DGKI: variants seen among roughly 807,000 people sequenced by gnomAD.
DGKI encodes diacylglycerol kinase iota.
A neutral mutation model predicts 147.5 loss-of-function variants in DGKI; 55 were observed. The observed-to-expected ratio is 0.37, with a 90% CI of 0.30 to 0.47. The LOEUF is 0.47. Among genes scored for constraint, DGKI ranks in the 20% least tolerant of loss-of-function variants. The pLI, the probability that DGKI is intolerant of heterozygous loss-of-function variation, is 1.00. For synonymous variants in DGKI, 469 were observed against 477.1 expected (o/e 0.98, Z 0.22); for missense variants, 1,007 against 1,323.8 (o/e 0.76, Z 3.71).
At chr7:137,837,304 C>T (rs2117094056) in intron 1 of DGKI, among the ~76,000 whole-genome samples, 1 of 152,204 alleles carries the variant, frequency 6.6e-6, no homozygotes, top group Admixed American at 6.5e-5. Flanking sequence ...TCGTTGCGGT[C>T]AGTATTTGAA....
chr7:137,755,851 G>T (rs1231742240), intron 1 of DGKI, among the ~76,000 whole-genome samples: 3 of 152,002 alleles, frequency 2.0e-5, no homozygotes, highest in Non-Finnish European at 4.4e-5. Flanking sequence ...TCTAAGTGTT[G>T]GCATCCACAA....
At chr7:137,466,517 A>G (rs1464600385) in intron 25 of DGKI, among the ~76,000 whole-genome samples, 1 of 152,036 alleles carries the variant, frequency 6.6e-6, no homozygotes, top group Admixed American at 6.6e-5. Flanking sequence ...ACCTCCAGGG[A>G]TTGGCGAACT....
intron 23 of DGKI, among the ~76,000 whole-genome samples, chr7:137,472,666 AT>A (rs1815028145): frequency 6.6e-6 from 1 of 151,640 alleles, no homozygotes; most frequent in Non-Finnish European, 1.5e-5. Context: ...TACTTAATGC[AT>A]TTTTGAAAAA....
chr7:137,420,879 C>G (rs1442153667), intron 28 of DGKI, among the ~76,000 whole-genome samples: 1 of 152,042 alleles, frequency 6.6e-6, no homozygotes. Context: ...ATTAGCTGGG[C>G]ATGACGGTGG....
At chr7:137,413,420 C>T (rs1320203076) in intron 28 of DGKI, among the ~76,000 whole-genome samples, 1 of 152,082 alleles carries the variant, frequency 6.6e-6, no homozygotes, top group Admixed American at 6.6e-5. Context: ...AGAGGTTTTT[C>T]AGCCTTTGTC....
intron 22 of DGKI, 141 bp downstream of exon 22, chr7:137,487,469 C>G: frequency 1.3e-6 from 1 of 744,440 alleles, no homozygotes; most frequent in Non-Finnish European, 2.4e-6. Flanking sequence ...GGGTGACATA[C>G]AGCGTATGCT....
intron 1 of DGKI, among the ~76,000 whole-genome samples, chr7:137,796,699 C>T (rs927178141): frequency 3.9e-5 from 6 of 152,004 alleles, no homozygotes; most frequent in African/African-American, 1.5e-4. Flanking sequence ...AGGTCAACAG[C>T]ACAACTATGC....
At chr7:137,781,512 G>C (rs1442593700) in intron 1 of DGKI, among the ~76,000 whole-genome samples, 1 of 152,088 alleles carries the variant, frequency 6.6e-6, no homozygotes, top group Non-Finnish European at 1.5e-5. Context: ...AATTTAATGG[G>C]GTCTGAGACT....
chr7:137,466,017 T>G lies in DGKI; in HGVS notation c.2503A>C (p.Met835Leu), dbSNP rs772915688. ...AAAATCTCATCTTGGGAAATCTCCA[T>G]CACAAAGTGCAAATGTTCCTAAAGA... is the stretch of plus-strand genomic sequence containing the variant. Reference protein sequence around the residue: ...DRSQEHLHFVMEISQDEIFIL... With the variant: ...DRSQEHLHFVLEISQDEIFIL... The change falls in exon 26 of 33, where the codon ATG becomes CTG. Residue 835 changes from methionine to leucine, a missense_variant. Transcript: ENST00000614521. 8.7e-6 allele frequency: 14 copies of G among 1,613,792 alleles called. No individual in the cohort carries two copies. The highest frequency in any genetic ancestry group is 1.2e-5 in the Non-Finnish European group (14 of 1,179,772).
rs977523326 is a variant in DGKI, at chr7:137,759,870, G to A, written c.402-69868C>T. 2.0e-5 allele frequency among the ~76,000 whole-genome samples: 3 copies of A among 151,966 alleles called. No individual in the cohort carries two copies. In the East Asian group the frequency reaches 5.8e-4, roughly 29 times the overall value. ...GAGCATCCTCAGAAAAAAAAACAGA[G>A]TCTTGATATTCTCATGCCTCATTCT... On this transcript the variant is annotated intron_variant, in intron 1 of 32. Coordinates refer to ENST00000614521, the MANE Select transcript of DGKI (RefSeq NM_001321708.2).
chr7:137,606,066 C>T (rs150475684), intron 10 of DGKI, among the ~76,000 whole-genome samples: 130 of 152,040 alleles, frequency 8.6e-4, no homozygotes, highest in African/African-American at 3.0e-3. Flanking sequence ...AGCATATGTA[C>T]TCCATAAGTA....
intron 27 of DGKI, among the ~76,000 whole-genome samples, chr7:137,458,262 T>C (rs960949145): frequency 6.6e-6 from 1 of 152,194 alleles, no homozygotes; most frequent in Non-Finnish European, 1.5e-5. Context: ...AGAAATCCTC[T>C]GCCAATCATA....
intron 1 of DGKI, among the ~76,000 whole-genome samples, chr7:137,754,259 GC>G (rs1248683009): frequency 6.6e-6 from 1 of 152,144 alleles, no homozygotes; most frequent in East Asian, 1.9e-4. Context: ...AAGAGTATCA[GC>G]CTCTGCCACA....
intron 7 of DGKI, among the ~76,000 whole-genome samples, chr7:137,623,159 C>T (rs982295430): frequency 6.6e-6 from 1 of 152,170 alleles, no homozygotes; most frequent in East Asian, 1.9e-4. Context: ...TACAGAGGTA[C>T]TGGAGGGAAA....
chr7:137,653,053 C>G (rs1027076155), intron 5 of DGKI, among the ~76,000 whole-genome samples: 1 of 152,182 alleles, frequency 6.6e-6, no homozygotes, highest in Non-Finnish European at 1.5e-5. Flanking sequence ...CATTACCTCC[C>G]CAGCCCATCC....
chr7:137,577,296 G>A lies in DGKI; in HGVS notation c.1699-12C>T. ...TCAGAAAAAGCTGCCTATACCACAG[G>A]GAAATAAAGAAGAAGAAATTCGTAA... On this transcript the variant is annotated splice_polypyrimidine_tract_variant and intron_variant, in intron 16 of 32. Coordinates refer to ENST00000614521, the MANE Select transcript of DGKI (RefSeq NM_001321708.2). 1 of 1,576,462 alleles carries A rather than the reference G, an allele frequency of 6.3e-7. No homozygotes were observed. The highest frequency in any genetic ancestry group is 1.1e-5 in the South Asian group (1 of 87,726).
chr7:137,611,162 T>C (rs1332950106), intron 8 of DGKI, among the ~76,000 whole-genome samples: 1 of 152,180 alleles, frequency 6.6e-6, no homozygotes, highest in Admixed American at 6.6e-5. Context: ...TTTCTGTTTG[T>C]TTAAAAGGGA....
chr7:137,538,169 TTA>T (rs1460944636), intron 20 of DGKI, among the ~76,000 whole-genome samples: 1 of 152,208 alleles, frequency 6.6e-6, no homozygotes, highest in Non-Finnish European at 1.5e-5. Flanking sequence ...TATGGCTAAT[TTA>T]TGTTTTCTTC....
chr7:137,471,109 G>A (rs1237242715), intron 23 of DGKI, among the ~76,000 whole-genome samples: 1 of 152,136 alleles, frequency 6.6e-6, no homozygotes, highest in African/African-American at 2.4e-5. Flanking sequence ...TGGGGAGGGA[G>A]GAGAGCACCT....
Sources: allele counts gnomAD v4.1 joint callset (sites outside exome capture counted in the v4.1 genomes callset), GRCh38; gene constraint gnomAD v4.1.1; transcripts MANE v1.5; gene names NCBI Gene and HGNC (gene_info 2026-07-23, HGNC 2026-07-21).